Variants in NDST1 observed in about 807,000 individuals in gnomAD.
NDST1 encodes bifunctional heparan sulfate N-deacetylase/N-sulfotransferase 1.
NDST1 carries 35 observed loss-of-function variants against 92.8 expected under a neutral mutation model. The ratio of observed to expected loss-of-function variants is 0.38; its 90% CI spans 0.29 to 0.50. NDST1 has a LOEUF of 0.50. Ranked by LOEUF, NDST1 falls within the 20% of genes least tolerant of loss-of-function variation. NDST1 has a pLI of 0.94. For synonymous variants in NDST1, 493 were observed against 500.3 expected, an observed-to-expected ratio of 0.99 and a Z score of 0.19; for missense variants, 822 against 1,182.7, an observed-to-expected ratio of 0.69 and a Z score of 4.47.
intron 4 of NDST1, among the ~76,000 whole-genome samples, chr5:150,534,093 GA>G (rs1207293523): frequency 2.0e-5 from 3 of 146,840 alleles, no homozygotes; most frequent in Non-Finnish European, 1.5e-5. Flanking sequence ...AAAACAAAAA[GA>G]AAAAAAATTA....
At chr5:150,512,335 A>T (rs966100864) in intron 1 of NDST1, among the ~76,000 whole-genome samples, 5 of 152,160 alleles carry the variant, frequency 3.3e-5, no homozygotes, top group Non-Finnish European at 7.4e-5. Flanking sequence ...CTGGGTGAGC[A>T]TTCAAGGCCC....
rs188053929 is a variant in NDST1 at position 150,551,384 on chromosome 5, G to A, written c.2427-369G>A. Among the ~76,000 whole-genome samples the A allele has an allele frequency of 1.3e-3, 202 of 152,056 alleles. 1 individual carries two copies. Among genetic ancestry groups the A allele is most frequent in the African/African-American group, 4.5e-3 (186 of 41,478 alleles). ...ATTGACGCTGGGAGGGGTAAAGAAG[G>A]CTTCTTGGGTTTAAAAAAAAAAAAG... On this transcript the variant is annotated intron_variant, in intron 13 of 14. Coordinates refer to ENST00000261797, the MANE Select transcript of NDST1 (RefSeq NM_001543.5).
intron 1 of NDST1, among the ~76,000 whole-genome samples, chr5:150,502,112 G>C (rs911447626): frequency 2.0e-5 from 3 of 152,162 alleles, no homozygotes; most frequent in African/African-American, 4.8e-5. Flanking sequence ...GAGTCTGAGT[G>C]GAGGGGAAGC....
intron 10 of NDST1, among the ~76,000 whole-genome samples, chr5:150,544,319 A>C (rs1378204473): frequency 6.6e-6 from 1 of 152,198 alleles, no homozygotes; most frequent in Non-Finnish European, 1.5e-5. Context: ...TTTGTTGCCA[A>C]ATGGCTTTGC....
chr5:150,499,316 C>T (rs1317051843), intron 1 of NDST1, among the ~76,000 whole-genome samples: 10 of 152,202 alleles, frequency 6.6e-5, no homozygotes. Flanking sequence ...GGGGTCATTG[C>T]TGGAGGTGAG....
chr5:150,531,180 A>C (rs1013959681), intron 3 of NDST1, among the ~76,000 whole-genome samples: 2 of 152,190 alleles, frequency 1.3e-5, no homozygotes, highest in Non-Finnish European at 2.9e-5. Flanking sequence ...AATTTAAATA[A>C]TACCAATAGC....
Position 150,521,014 on chromosome 5 carries a change from A to G in NDST1, c.-241A>G. ...GCACAGGACCACGCGGGGGTTTGCCATGGTGACATAAAGGGGCGCGGAGGA... is the reference window on the plus strand; with the variant it reads ...GCACAGGACCACGCGGGGGTTTGCCGTGGTGACATAAAGGGGCGCGGAGGA... On this transcript the variant is annotated 5_prime_UTR_variant, in exon 2 of 15. The change abolishes an upstream ATG in the 5' untranslated region. Transcript: ENST00000261797. The surrounding 1 kb of genome is among the most constrained non-coding windows in gnomAD (Gnocchi z 5.9). 1.7e-6 allele frequency: 1 copy of G among 597,024 alleles called. No homozygotes were observed. Among genetic ancestry groups the G allele is most frequent in the Non-Finnish European group, 3.0e-6 (1 of 335,518 alleles). 37.0% of individuals were successfully genotyped at this position (597,024 alleles called of 1,614,324 possible).
At position 150,521,302 on chromosome 5, in the gene NDST1, G is replaced by A. The variant is rs139789204; in HGVS notation, c.48G>A (p.Pro16=). 223 of 1,612,804 alleles carry A rather than the reference G, an allele frequency of 1.4e-4. 2 individuals carry two copies. In the South Asian group the frequency reaches 1.8e-3, roughly 13 times the overall value. Residue 16 remains proline (P), a synonymous_variant, in exon 2 of 15, where the codon CCG becomes CCA. Coordinates refer to ENST00000261797, the MANE Select transcript of NDST1 (RefSeq NM_001543.5). The surrounding 1 kb of genome is among the most constrained non-coding windows in gnomAD (Gnocchi z 5.9). ...GGAGGCTGTGTCGGCACGTGTCCCC[G>A]CAGGCTGTCCTTTTCCTGCTGTTCA... ...CLRRLCRHVS[P]QAVLFLLFIF...
chr5:150,502,136 G>C (rs1043225243), intron 1 of NDST1, among the ~76,000 whole-genome samples: 1 of 152,274 alleles, frequency 6.6e-6, no homozygotes, highest in African/African-American at 2.4e-5. Context: ...TGGCGGGCCC[G>C]ATGTGAGGAC....
intron 1 of NDST1, among the ~76,000 whole-genome samples, chr5:150,519,556 C>G (rs1410043777): frequency 6.6e-6 from 1 of 152,138 alleles, no homozygotes; most frequent in Non-Finnish European, 1.5e-5. Flanking sequence ...GGCATGGTGG[C>G]TCATGCCTGT....
At position 150,555,394 on chromosome 5, in the gene NDST1, G is replaced by C. The variant is rs1446763785; in HGVS notation, c.*2062G>C. ...TTCCCTTTTCTCCAGTTCTCTGCTGGGATGAAGAAAGTTGGACACTCAGTG... is the reference window on the plus strand; with the variant it reads ...TTCCCTTTTCTCCAGTTCTCTGCTGCGATGAAGAAAGTTGGACACTCAGTG... On this transcript the variant is annotated 3_prime_UTR_variant, in exon 15 of 15. Coordinates refer to ENST00000261797, the MANE Select transcript of NDST1 (RefSeq NM_001543.5). 6.5e-6 allele frequency: 1 copy of C among 152,902 alleles called. No individual in the cohort carries two copies. The highest frequency in any genetic ancestry group is 1.5e-5 in the Non-Finnish European group (1 of 68,278). The allele number at this position is 152,902 out of a possible 1,614,324, so 9.5% of individuals were successfully genotyped here. A position where few individuals can be genotyped will look rare whatever the true frequency, so the allele number is the denominator to read the frequency against.
chr5:150,502,095 G>A (rs1753257298), intron 1 of NDST1, among the ~76,000 whole-genome samples: 1 of 152,182 alleles, frequency 6.6e-6, no homozygotes, highest in Admixed American at 6.5e-5. Flanking sequence ...GGAGGACTTT[G>A]TTGTTTGAGT....
At chr5:150,513,696 A>G (rs918544057) in intron 1 of NDST1, among the ~76,000 whole-genome samples, 4 of 152,198 alleles carry the variant, frequency 2.6e-5, no homozygotes, top group African/African-American at 9.6e-5. Context: ...ACCTGCTTTT[A>G]TGGAGCTCTT....
In NDST1 at chr5:150,557,948, T is replaced by A. The variant is rs974976215; in HGVS notation, c.*4616T>A. 6.6e-6 allele frequency: 1 copy of A among 152,024 alleles called. No homozygotes were observed. Among genetic ancestry groups the A allele is most frequent in the Admixed American group, 6.6e-5 (1 of 15,220 alleles). The allele number at this position is 152,024 out of a possible 1,614,324, so 9.4% of individuals were successfully genotyped here. ...TAGCTTTTATTATTAGCAAGAGGGC[T>A]CCTTTTGTAATTTGTGCATGAAATT... On this transcript the variant is annotated 3_prime_UTR_variant, in exon 15 of 15. Coordinates refer to ENST00000261797, the MANE Select transcript of NDST1 (RefSeq NM_001543.5). The surrounding 1 kb of genome is among the most constrained non-coding windows in gnomAD (Gnocchi z 4.7).
At chr5:150,517,857 C>T (rs1017947866) in intron 1 of NDST1, among the ~76,000 whole-genome samples, 12 of 152,252 alleles carry the variant, frequency 7.9e-5, no homozygotes, top group Admixed American at 1.3e-4. Flanking sequence ...TGCTCTCCTC[C>T]GCTTCCATGG....
At chr5:150,509,893 G>A (rs1753641584) in intron 1 of NDST1, among the ~76,000 whole-genome samples, 1 of 152,210 alleles carries the variant, frequency 6.6e-6, no homozygotes, top group African/African-American at 2.4e-5. Flanking sequence ...GTTCCATGGT[G>A]CACCTCTCTG....
intron 9 of NDST1, 76 bp downstream of exon 9, chr5:150,541,742 C>T: frequency 7.3e-7 from 1 of 1,367,246 alleles, no homozygotes; most frequent in Admixed American, 1.8e-5. Flanking sequence ...GACTGCCTTG[C>T]CCTGGCCCCA....
rs372646499 is a variant in NDST1, at chr5:150,548,053, G to T, written c.2146-165G>T. ...AGAAGTTGGGGCTCTGGGACCAGTG[G>T]CTTCCCTTGACACTGGACACAGTGA... On this transcript the variant is annotated intron_variant, in intron 11 of 14. Transcript: ENST00000261797. 5.7e-4 allele frequency among the ~76,000 whole-genome samples: 87 copies of T among 152,220 alleles called. 2 individuals are homozygous for T. The East Asian group carries it at 0.014, about 25-fold the overall frequency.
chr5:150,534,687 C>T (rs144446775), intron 4 of NDST1, among the ~76,000 whole-genome samples, 180 bp from the exon 5 acceptor site: 1 of 152,348 alleles, frequency 6.6e-6, no homozygotes, highest in Non-Finnish European at 1.5e-5. Context: ...AGGGCACACT[C>T]TAGACTAGAA....
Sources: allele counts gnomAD v4.1 joint callset (sites outside exome capture counted in the v4.1 genomes callset), GRCh38; gene constraint gnomAD v4.1.1; non-coding constraint Gnocchi (gnomAD v3.1); transcripts MANE v1.5; gene names NCBI Gene and HGNC (gene_info 2026-07-23, HGNC 2026-07-21).